The following STXBP5 variants were observed in gnomAD, a reference collection of about 807,000 sequenced individuals.
STXBP5 encodes the protein syntaxin-binding protein 5.
A neutral mutation model predicts 152.4 loss-of-function variants in STXBP5; 50 were observed. That is an observed-to-expected ratio of 0.33 (90% CI 0.26 to 0.42). The LOEUF is 0.42. STXBP5 is among the 10% of genes least tolerant of loss of function. The probability of loss-of-function intolerance (pLI) is 1.00; values close to 1 mark genes in which losing one functional copy is unlikely to be tolerated. For synonymous variants in STXBP5, 492 were observed against 494.7 expected (o/e 0.99, Z 0.07); for missense variants, 1,167 against 1,388.6 (o/e 0.84, Z 2.54).
chr6:147,229,856 T>C (rs1777907461), intron 2 of STXBP5, among the ~76,000 whole-genome samples: 1 of 151,982 alleles, frequency 6.6e-6, no homozygotes, highest in Non-Finnish European at 1.5e-5. Context: ...TTTTTTTTCT[T>C]GCACATTTCC....
chr6:147,323,762 A>T (rs1386505456), intron 16 of STXBP5, among the ~76,000 whole-genome samples: 1 of 152,228 alleles, frequency 6.6e-6, no homozygotes, highest in Non-Finnish European at 1.5e-5. Flanking sequence ...TACTTTTCAT[A>T]GGCAGTCACA....
intron 18 of STXBP5, among the ~76,000 whole-genome samples, chr6:147,333,399 C>CA (rs1783676491): frequency 6.6e-6 from 1 of 152,114 alleles, no homozygotes; most frequent in Non-Finnish European, 1.5e-5. Flanking sequence ...TGGGGCGCAC[C>CA]TGTAGTCCCA....
rs534769911 is a variant in STXBP5 at position 147,289,867 on chromosome 6, C to T, written c.839-1227C>T. Among the ~76,000 whole-genome samples, 16 of 152,204 alleles carry T rather than the reference C, an allele frequency of 1.1e-4. No individual in the cohort carries two copies. The East Asian group carries it at 2.7e-3, about 26-fold the overall frequency. ...ATACTATATGCCAAACAATGTTTGTCACCAGGGATACCACAACAGAAAACA... is the reference window on the plus strand; with the variant it reads ...ATACTATATGCCAAACAATGTTTGTTACCAGGGATACCACAACAGAAAACA... On this transcript the variant is annotated intron_variant, in intron 8 of 27. Transcript: ENST00000321680.
intron 4 of STXBP5, among the ~76,000 whole-genome samples, chr6:147,254,989 A>G (rs1413729107): frequency 6.6e-6 from 1 of 152,262 alleles, no homozygotes; most frequent in Non-Finnish European, 1.5e-5. Context: ...AGGATTATAA[A>G]TCATTCGACT....
intron 6 of STXBP5, among the ~76,000 whole-genome samples, chr6:147,262,712 A>G (rs772297619): frequency 6.6e-6 from 1 of 151,870 alleles, no homozygotes; most frequent in Non-Finnish European, 1.5e-5. Flanking sequence ...TTTTTGTAGC[A>G]CTAATCACAG....
chr6:147,280,212 T>C (rs1427599682), intron 8 of STXBP5, among the ~76,000 whole-genome samples: 2 of 152,182 alleles, frequency 1.3e-5, no homozygotes, highest in African/African-American at 4.8e-5. Context: ...ATATGATAAA[T>C]TACAAAGATT....
chr6:147,334,564 G>GT (rs1783735931), intron 19 of STXBP5, among the ~76,000 whole-genome samples: 1 of 152,136 alleles, frequency 6.6e-6, no homozygotes, highest in African/African-American at 2.4e-5. Flanking sequence ...TATGAAAAAT[G>GT]TTTAACACTT....
chr6:147,369,445 C>T (rs1371244264), intron 25 of STXBP5, among the ~76,000 whole-genome samples: 1 of 151,916 alleles, frequency 6.6e-6, no homozygotes, highest in Non-Finnish European at 1.5e-5. Flanking sequence ...AAAGCAACAT[C>T]CATAAAAGAA....
rs761961030 is a variant in STXBP5 at position 147,311,476 on chromosome 6, T to C, written c.1094T>C (p.Val365Ala). The C allele has an allele frequency of 1.2e-6, 2 of 1,612,234 alleles. No homozygotes were observed. Among genetic ancestry groups the C allele is most frequent in the East Asian group, 4.5e-5 (2 of 44,740 alleles). ...YPNDFQEPYAVVVLLEKDLVL... is the reference protein window; with the variant it reads ...YPNDFQEPYAAVVLLEKDLVL... ...CCAGATTTTCAAGAACCATATGCTG[T>C]GGTTGTTCTTCTAGAAAAGGATTTA... Residue 365 changes from valine (V) to alanine (A), a missense_variant, in exon 11 of 28, where the codon GTG (valine) becomes GCG (alanine). By Grantham distance (64) the Val-to-Ala change is moderately conservative. Coordinates refer to ENST00000321680, the MANE Select transcript of STXBP5 (RefSeq NM_001127715.4).
Position 147,327,142 on chromosome 6 carries a change from G to A in STXBP5, c.1946G>A (p.Cys649Tyr). The A allele has an allele frequency of 1.9e-6, 3 of 1,606,780 alleles. No individual in the cohort carries two copies. The highest frequency in any genetic ancestry group is 2.5e-6 in the Non-Finnish European group (3 of 1,178,068). The change falls in exon 18 of 28, where the codon TGC becomes TAC. Residue 649 changes from cysteine to tyrosine, a missense_variant. Physicochemically the swap from Cys to Tyr is radical, Grantham distance 194. This residue lies in a region of STXBP5 where 833 missense variants were observed against 986.3 expected (regional missense o/e 0.84). Coordinates refer to ENST00000321680, the MANE Select transcript of STXBP5 (RefSeq NM_001127715.4). ...SSYGLVVFGN[C>Y]NGIAMVDYLQ... Reference sequence around the variant, plus strand: ...ATTCCCAGGGTGGTTTTTGGCAATTGCAATGGCATTGCTATGGTTGACTAC... The same window carrying A: ...ATTCCCAGGGTGGTTTTTGGCAATTACAATGGCATTGCTATGGTTGACTAC...
At chr6:147,275,291 A>G (rs193156479) in intron 7 of STXBP5, among the ~76,000 whole-genome samples, 1 of 152,210 alleles carries the variant, frequency 6.6e-6, no homozygotes, top group Non-Finnish European at 1.5e-5. Context: ...TTTGTCAGAT[A>G]CTACATCTTT....
intron 8 of STXBP5, among the ~76,000 whole-genome samples, chr6:147,289,735 A>AG (rs1781182047): frequency 6.6e-6 from 1 of 151,952 alleles, no homozygotes; most frequent in Non-Finnish European, 1.5e-5. Context: ...ATCAGCAAAA[A>AG]GAAAAAAAAA....
At chr6:147,267,275 T>G in intron 7 of STXBP5, 108 bp downstream of exon 7, 1 of 769,122 alleles carries the variant, frequency 1.3e-6, no homozygotes, top group Non-Finnish European at 2.1e-6. Flanking sequence ...GTAATTGCAG[T>G]AATACACAAT....
chr6:147,241,969 C>A (rs73013853), intron 4 of STXBP5, among the ~76,000 whole-genome samples: 1,534 of 151,980 alleles, frequency 0.01, 15 homozygotes, highest in Non-Finnish European at 0.016. Flanking sequence ...ATTCCTTCTA[C>A]TTATTTAAGA....
At chr6:147,241,111 CTTTATT>C (rs1206004933) in intron 4 of STXBP5, among the ~76,000 whole-genome samples, 2 of 152,090 alleles carry the variant, frequency 1.3e-5, no homozygotes, top group East Asian at 1.9e-4. Context: ...AATTAACAGA[CTTTATT>C]TTTAGAACAA....
intron 2 of STXBP5, among the ~76,000 whole-genome samples, chr6:147,220,455 A>G (rs1326437613): frequency 6.6e-6 from 1 of 151,968 alleles, no homozygotes; most frequent in African/African-American, 2.4e-5. Flanking sequence ...GGATCTGTCC[A>G]TTTCTGATAG....
At chr6:147,254,945 G>T (rs1372518220) in intron 4 of STXBP5, among the ~76,000 whole-genome samples, 1 of 152,202 alleles carries the variant, frequency 6.6e-6, no homozygotes, top group Non-Finnish European at 1.5e-5. Context: ...AATACCATTT[G>T]ACCCAGCAAT....
At chr6:147,372,936 A>G (rs1051228061) in intron 25 of STXBP5, among the ~76,000 whole-genome samples, 3 of 152,218 alleles carry the variant, frequency 2.0e-5, no homozygotes, top group Admixed American at 1.3e-4. Flanking sequence ...GTATGTTGGC[A>G]TAATTCTCTT....
Position 147,314,269 on chromosome 6 carries a change from G to T in STXBP5, c.1299G>T (p.Trp433Cys). ...QKRQGYSKKE[W>C]PINGGNWGLG... Reference sequence around the variant, plus strand: ...ACAGTCATCTTTTTTTATAGGAATGGCCCATCAACGGAGGTAATTGGGGCT... The same window carrying T: ...ACAGTCATCTTTTTTTATAGGAATGTCCCATCAACGGAGGTAATTGGGGCT... The change falls in exon 13 of 28, where the codon TGG becomes TGT. Residue 433 changes from tryptophan to cysteine, a missense_variant. This residue lies in a region of STXBP5 where 833 missense variants were observed against 986.3 expected (regional missense o/e 0.84). Transcript: ENST00000321680. 3 of 1,609,938 alleles carry T rather than the reference G, an allele frequency of 1.9e-6. No homozygotes were observed. Among genetic ancestry groups the T allele is most frequent in the Non-Finnish European group, 2.5e-6 (3 of 1,176,560 alleles).
Sources: gnomAD v4.1 joint callset for allele counts (sites outside exome capture counted in the v4.1 genomes callset) on GRCh38, gnomAD v4.1.1 for gene constraint, gnomAD v4.1.1 regional missense constraint, MANE v1.5 for transcripts, NCBI Gene and HGNC (gene_info 2026-07-23, HGNC 2026-07-21) for gene names.